The following ATP8A2 variants were observed in gnomAD, a reference collection of about 807,000 sequenced individuals.
The protein encoded by ATP8A2 is ATPase phospholipid transporting 8A2, also known as phospholipid-transporting ATPase IB.
ATP8A2 carries 100 observed loss-of-function variants against 165.6 expected under a neutral mutation model. That is an observed-to-expected ratio of 0.60 (90% CI 0.51 to 0.71). The LOEUF is 0.71. Ranked by LOEUF, ATP8A2 falls within the 30% of genes least tolerant of loss-of-function variation. The pLI is 0.00. For missense variants in ATP8A2, 1,227 were observed against 1,479.5 expected (o/e 0.83, Z 2.80); for synonymous variants, 543 against 548.8 (o/e 0.99, Z 0.15).
At chr13:25,803,358 T>A (rs1474191098) in intron 27 of ATP8A2, among the ~76,000 whole-genome samples, 2 of 152,260 alleles carry the variant, frequency 1.3e-5, no homozygotes, top group African/African-American at 4.8e-5. Flanking sequence ...TTGTTGAAAC[T>A]GAATATCAAA....
At chr13:26,018,217 C>G (rs1183494083) in intron 36 of ATP8A2, among the ~76,000 whole-genome samples, 1 of 152,222 alleles carries the variant, frequency 6.6e-6, no homozygotes, top group Non-Finnish European at 1.5e-5. Flanking sequence ...AAGGCATGCT[C>G]TCTGGAAGAG....
At chr13:25,837,423 C>CACACA in intron 29 of ATP8A2, 138 bp downstream of exon 29, 1 of 310,272 alleles carries the variant, frequency 3.2e-6, no homozygotes, top group South Asian at 5.3e-5. Flanking sequence ...CACCCCACCA[C>CACACA]CACACACACA....
At chr13:25,920,063 C>T (rs1954402443) in intron 33 of ATP8A2, among the ~76,000 whole-genome samples, 1 of 152,220 alleles carries the variant, frequency 6.6e-6, no homozygotes, top group Non-Finnish European at 1.5e-5. Context: ...GCCAGGACTA[C>T]AGGTGTGAAC....
rs116111963 is a variant in ATP8A2 at position 25,627,848 on chromosome 13, C to T, written c.2211+38149C>T. On this transcript the variant is annotated intron_variant, in intron 24 of 36. Transcript: ENST00000381655. ...TCAGTGTTCTGAAACACATTCTTCC[C>T]TGTTGGATTCTGTCATAAATGTAGT... 2.3e-3 allele frequency among the ~76,000 whole-genome samples: 352 copies of T among 152,278 alleles called. 4 individuals are homozygous for T. The highest frequency in any genetic ancestry group is 8.1e-3 in the African/African-American group (336 of 41,546).
At chr13:25,947,194 G>A (rs939506737) in intron 33 of ATP8A2, among the ~76,000 whole-genome samples, 2 of 152,286 alleles carry the variant, frequency 1.3e-5, no homozygotes, top group South Asian at 2.1e-4. Flanking sequence ...CTTCCAGGTC[G>A]AATTAGCATT....
rs188313634 is a variant in ATP8A2, at chr13:25,921,076, T to C, written c.3184-40499T>C. On this transcript the variant is annotated intron_variant, in intron 33 of 36. Transcript: ENST00000381655. ...CAGGGTGAGATTCTGTCTCAAAACA[T>C]AAACCACAAAACAAAACAAAAGCAG... is the stretch of plus-strand genomic sequence containing the variant. Among the ~76,000 whole-genome samples, 415 of 151,828 alleles carry C rather than the reference T, an allele frequency of 2.7e-3. 2 individuals carry two copies. The highest frequency in any genetic ancestry group is 9.7e-3 in the African/African-American group (403 of 41,410).
At chr13:25,990,558 G>A (rs1205380527) in intron 35 of ATP8A2, among the ~76,000 whole-genome samples, 1 of 152,200 alleles carries the variant, frequency 6.6e-6, no homozygotes, top group African/African-American at 2.4e-5. Flanking sequence ...TGCAAGGATG[G>A]CCATGTGGCC....
At chr13:25,690,250 T>C (rs2137859219) in intron 24 of ATP8A2, among the ~76,000 whole-genome samples, 1 of 152,226 alleles carries the variant, frequency 6.6e-6, no homozygotes, top group South Asian at 2.1e-4. Flanking sequence ...AGTGCATAAA[T>C]AGTCTCTTTC....
chr13:25,973,217 G>A (rs931480165), intron 35 of ATP8A2, among the ~76,000 whole-genome samples: 13 of 152,332 alleles, frequency 8.5e-5, no homozygotes, highest in Non-Finnish European at 1.3e-4. Context: ...AGGTAGCTGT[G>A]TGGCTGGTCT....
At chr13:25,425,098 C>T (rs574156240) in intron 1 of ATP8A2, among the ~76,000 whole-genome samples, 11 of 152,174 alleles carry the variant, frequency 7.2e-5, no homozygotes, top group African/African-American at 2.4e-4. Context: ...AAAGAGGTAA[C>T]GACATGGCAC....
At chr13:25,594,864 C>T (rs913991686) in intron 24 of ATP8A2, among the ~76,000 whole-genome samples, 2 of 151,856 alleles carry the variant, frequency 1.3e-5, no homozygotes, top group African/African-American at 4.8e-5. Context: ...AGTCATTGTA[C>T]AAAAAAGATA....
intron 25 of ATP8A2, among the ~76,000 whole-genome samples, chr13:25,717,425 A>AAAAAAC (rs1292021490): frequency 6.6e-6 from 1 of 151,452 alleles, no homozygotes; most frequent in East Asian, 1.9e-4. Context: ...AACTAAAAAA[A>AAAAAAC]AAAAAAAAAA....
chr13:25,910,291 T>C (rs1440784814), intron 33 of ATP8A2, among the ~76,000 whole-genome samples: 1 of 152,220 alleles, frequency 6.6e-6, no homozygotes, highest in Admixed American at 6.5e-5. Flanking sequence ...AGTTCTGGGT[T>C]CTAGGTTGGC....
intron 33 of ATP8A2, among the ~76,000 whole-genome samples, chr13:25,951,558 G>A (rs1363379742): frequency 6.6e-6 from 1 of 152,206 alleles, no homozygotes; most frequent in African/African-American, 2.4e-5. Context: ...GTTTTGGGTG[G>A]TAGGTAGACA....
intron 24 of ATP8A2, among the ~76,000 whole-genome samples, chr13:25,680,725 A>C (rs1002142113): frequency 6.6e-6 from 1 of 152,220 alleles, no homozygotes; most frequent in African/African-American, 2.4e-5. Context: ...CTTGTACGTC[A>C]GTCTCTTTGA....
At chr13:25,443,236 G>A (rs10492699) in intron 1 of ATP8A2, among the ~76,000 whole-genome samples, 5,830 of 152,262 alleles carry the variant, frequency 0.038, 153 homozygotes, top group East Asian at 0.095. Flanking sequence ...AGTTGAGTTT[G>A]AAGTGATAGC....
At chr13:25,550,903 C>A (rs1448724297) in intron 10 of ATP8A2, among the ~76,000 whole-genome samples, 1 of 152,130 alleles carries the variant, frequency 6.6e-6, no homozygotes, top group African/African-American at 2.4e-5. Context: ...AGAAATATCT[C>A]TGTGTATTTA....
chr13:25,876,206 C>T (rs999941572), intron 33 of ATP8A2, among the ~76,000 whole-genome samples: 1 of 152,166 alleles, frequency 6.6e-6, no homozygotes, highest in Non-Finnish European at 1.5e-5. Flanking sequence ...GGCCCGCTGC[C>T]TTGGAAGAGG....
intron 33 of ATP8A2, among the ~76,000 whole-genome samples, chr13:25,865,786 G>A (rs1227497260): frequency 6.6e-6 from 1 of 152,146 alleles, no homozygotes; most frequent in African/African-American, 2.4e-5. Flanking sequence ...CGCCACATTT[G>A]TGGGATTTTA....
Sources: gnomAD v4.1 joint callset for allele counts (sites outside exome capture counted in the v4.1 genomes callset) on GRCh38, gnomAD v4.1.1 for gene constraint, MANE v1.5 for transcripts, NCBI Gene and HGNC (gene_info 2026-07-23, HGNC 2026-07-21) for gene names.